Variants in GPC5 observed in about 807,000 individuals in gnomAD.
GPC5 encodes the protein glypican 5.
A neutral mutation model predicts 53.9 loss-of-function variants in GPC5; 47 were observed. That is an observed-to-expected ratio of 0.87 (90% CI 0.69 to 1.11). The LOEUF (loss-of-function observed/expected upper bound fraction) is 1.11. Among genes scored for constraint, GPC5 ranks in the 50% most tolerant of loss-of-function variants. The pLI is 0.00. For missense variants in GPC5, 748 were observed against 713.1 expected (o/e 1.05, Z -0.56); for synonymous variants, 286 against 263.3 (o/e 1.09, Z -0.84).
chr13:91,695,414 C>T (rs2035859205), intron 3 of GPC5, among the ~76,000 whole-genome samples: 1 of 152,122 alleles, frequency 6.6e-6, no homozygotes, highest in African/African-American at 2.4e-5. Context: ...CACTCTGTCA[C>T]CCAGGCTGGG....
At chr13:91,496,240 T>C (rs1253800544) in intron 2 of GPC5, among the ~76,000 whole-genome samples, 1 of 152,184 alleles carries the variant, frequency 6.6e-6, no homozygotes, top group Non-Finnish European at 1.5e-5. Flanking sequence ...TGGCATGTTA[T>C]TGACTTGAAA....
chr13:92,420,544 A>G (rs1183763209), intron 7 of GPC5, among the ~76,000 whole-genome samples: 2 of 152,162 alleles, frequency 1.3e-5, no homozygotes, highest in Non-Finnish European at 1.5e-5. Context: ...ATTATTATTG[A>G]CTATAGTCAC....
intron 7 of GPC5, among the ~76,000 whole-genome samples, chr13:92,631,009 T>A (rs1885217549): frequency 6.6e-6 from 1 of 152,118 alleles, no homozygotes; most frequent in South Asian, 2.1e-4. Context: ...TTCTTGCTAA[T>A]CGAATGTCAT....
chr13:92,452,529 C>T (rs1002129527), intron 7 of GPC5, among the ~76,000 whole-genome samples: 5 of 151,868 alleles, frequency 3.3e-5, no homozygotes, highest in Admixed American at 6.6e-5. Flanking sequence ...ACATTTAATA[C>T]TTAAGGTAAA....
At chr13:92,426,285 G>T (rs1876830886) in intron 7 of GPC5, among the ~76,000 whole-genome samples, 1 of 152,006 alleles carries the variant, frequency 6.6e-6, no homozygotes, top group South Asian at 2.1e-4. Flanking sequence ...GAATACCCCT[G>T]TTGAGTCTTG....
At chr13:92,700,741 T>C (rs912671564) in intron 7 of GPC5, among the ~76,000 whole-genome samples, 1 of 152,130 alleles carries the variant, frequency 6.6e-6, no homozygotes, top group African/African-American at 2.4e-5. Flanking sequence ...AGCTTTTCTC[T>C]GAGGTTACCC....
At chr13:92,156,228 T>C (rs1038823673) in intron 7 of GPC5, among the ~76,000 whole-genome samples, 7 of 152,156 alleles carry the variant, frequency 4.6e-5, no homozygotes, top group African/African-American at 1.4e-4. Flanking sequence ...GTTACTCTTG[T>C]ATGTGGAATC....
At chr13:92,613,423 T>TA (rs1286495567) in intron 7 of GPC5, among the ~76,000 whole-genome samples, 1 of 23,226 alleles carries the variant, frequency 4.3e-5, no homozygotes, top group African/African-American at 1.4e-4. Context: ...ATAAATATGA[T>TA]ATATATTTAT....
At position 92,532,937 on chromosome 13, in the gene GPC5, CA is replaced by C. The variant is rs1305514661; in HGVS notation, c.1562-333344del. Among the ~76,000 whole-genome samples the C allele has an allele frequency of 5.9e-5, 9 of 152,180 alleles. No homozygotes were observed. The East Asian group carries it at 1.7e-3, about 29-fold the overall frequency. On this transcript the variant is annotated intron_variant, in intron 7 of 7. Transcript: ENST00000377067. ...CTAAGTGGCAGTTTTATTAAGCTGA[CA>C]TTTTTTTAAACTGTTATTATTAATT... is the stretch of plus-strand genomic sequence containing the variant.
intron 7 of GPC5, among the ~76,000 whole-genome samples, chr13:92,349,639 A>G (rs901684912): frequency 6.6e-6 from 1 of 152,040 alleles, no homozygotes; most frequent in African/African-American, 2.4e-5. Flanking sequence ...TGGATAACCC[A>G]GAAGAAATGA....
rs540288710 is a variant in GPC5, at chr13:91,501,527, A to G, written c.325+52605A>G. ...TTTTTGTCCTTGCAATAGTTTGCTA[A>G]GAATGATGGTTTCCAGCTTCATCCA... On this transcript the variant is annotated intron_variant, in intron 2 of 7. Coordinates refer to ENST00000377067, the MANE Select transcript of GPC5 (RefSeq NM_004466.6). Among the ~76,000 whole-genome samples the G allele has an allele frequency of 1.1e-4, 17 of 152,288 alleles. 1 individual carries two copies. The highest frequency in any genetic ancestry group is 2.2e-4 in the African/African-American group (9 of 41,564).
intron 2 of GPC5, among the ~76,000 whole-genome samples, chr13:91,684,950 G>A (rs188416535): frequency 1.6e-4 from 24 of 152,180 alleles, no homozygotes; most frequent in Non-Finnish European, 2.6e-4. Flanking sequence ...TTTGCACCTC[G>A]TAACCTTGCA....
At chr13:91,606,728 C>G (rs1478663115) in intron 2 of GPC5, among the ~76,000 whole-genome samples, 5 of 150,998 alleles carry the variant, frequency 3.3e-5, no homozygotes, top group Admixed American at 3.3e-4. Flanking sequence ...TCTAGATTTT[C>G]TAGTTTATTT....
intron 7 of GPC5, among the ~76,000 whole-genome samples, chr13:92,412,075 T>G (rs1324815996): frequency 6.6e-6 from 1 of 152,224 alleles, no homozygotes; most frequent in African/African-American, 2.4e-5. Context: ...TGATTCAAAT[T>G]ATCACACTAG....
intron 7 of GPC5, among the ~76,000 whole-genome samples, chr13:92,450,480 G>A (rs1038636548): frequency 5.9e-5 from 9 of 152,138 alleles, no homozygotes; most frequent in African/African-American, 2.2e-4. Flanking sequence ...TTTCACTTGT[G>A]GCATCATGTT....
intron 6 of GPC5, among the ~76,000 whole-genome samples, chr13:92,122,816 GC>G (rs1339367268): frequency 1.7e-5 from 2 of 114,324 alleles, no homozygotes; most frequent in African/African-American, 6.7e-5. Context: ...TCTTAAAGAA[GC>G]AAAAACCTTT....
intron 3 of GPC5, among the ~76,000 whole-genome samples, chr13:91,713,598 C>G (rs1344486288): frequency 6.6e-6 from 1 of 152,098 alleles, no homozygotes; most frequent in African/African-American, 2.4e-5. Flanking sequence ...GTTCAGTTAC[C>G]ACCTTGTTTA....
At chr13:92,092,980 C>T (rs2041392901) in intron 6 of GPC5, among the ~76,000 whole-genome samples, 1 of 152,112 alleles carries the variant, frequency 6.6e-6, no homozygotes, top group Admixed American at 6.6e-5. Context: ...TAAATCTACA[C>T]TGGATAATTT....
chr13:91,890,871 T>C (rs972657363), intron 5 of GPC5, among the ~76,000 whole-genome samples: 4 of 152,210 alleles, frequency 2.6e-5, no homozygotes, highest in South Asian at 4.1e-4. Context: ...TTTGGAGTTT[T>C]GTATCAGCAT....
Sources: allele counts gnomAD v4.1 joint callset (sites outside exome capture counted in the v4.1 genomes callset), GRCh38; gene constraint gnomAD v4.1.1; transcripts MANE v1.5; gene names NCBI Gene and HGNC (gene_info 2026-07-23, HGNC 2026-07-21).